The following CTNNAL1 variants were observed in gnomAD, a reference collection of about 807,000 sequenced individuals.
CTNNAL1 encodes catenin alpha like 1.
In CTNNAL1, 69 loss-of-function variants were observed where a neutral mutation model predicts 93.6. That is an observed-to-expected ratio of 0.74 (90% CI 0.61 to 0.90). The LOEUF is 0.90. CTNNAL1 is among the 40% of genes least tolerant of loss of function. CTNNAL1 has a pLI of 0.00. For synonymous variants in CTNNAL1, 286 were observed against 305.4 expected (o/e 0.94, Z 0.66); for missense variants, 836 against 862.0 (o/e 0.97, Z 0.38).
At position 108,952,543 on chromosome 9, in the gene CTNNAL1, CTG is replaced by C. The variant is rs373436178; in HGVS notation, c.1630-51_1630-50del. 4.4e-6 allele frequency: 7 copies of C among 1,605,266 alleles called. No homozygotes were observed. The African/African-American group carries it at 5.4e-5, about 12-fold the overall frequency. ...TTATCTTAAAAAGCAGTACATTAAA[CTG>C]TAAGGAAATACAATAGTAATACAAA... On this transcript the variant is annotated intron_variant, in intron 12 of 18. Coordinates refer to ENST00000325551, the MANE Select transcript of CTNNAL1 (RefSeq NM_003798.4).
Position 108,975,101 on chromosome 9 carries a change from G to A in CTNNAL1, c.1188+1861C>T, listed in dbSNP as rs944592915. On this transcript the variant is annotated intron_variant, in intron 8 of 18. Transcript: ENST00000325551. The stretch of plus-strand genomic sequence containing the variant: ...TCGCTTGAACCCCTGAGGTAGAGGT[G>A]GCAGTGAGCCAAGATCACGCCACTG... Among the ~76,000 whole-genome samples the A allele has an allele frequency of 5.9e-5, 9 of 152,062 alleles. No homozygotes were observed. In the East Asian group the frequency reaches 1.2e-3, roughly 20 times the overall value.
chr9:108,990,613 C>T, intron 4 of CTNNAL1, 113 bp downstream of exon 4: 1 of 1,321,602 alleles, frequency 7.6e-7, no homozygotes, highest in Non-Finnish European at 1.0e-6. Flanking sequence ...AAGACCAAGG[C>T]TATAGACTTA....
intron 7 of CTNNAL1, 119 bp downstream of exon 7, chr9:108,979,162 T>C (rs1413949270): frequency 7.2e-6 from 9 of 1,252,880 alleles, no homozygotes; most frequent in Non-Finnish European, 9.9e-6. Flanking sequence ...GGATGAGATA[T>C]CCTGTCCCAT....
At chr9:109,002,563 C>T (rs994658409) in intron 1 of CTNNAL1, among the ~76,000 whole-genome samples, 6 of 152,186 alleles carry the variant, frequency 3.9e-5, no homozygotes, top group Non-Finnish European at 7.4e-5. Context: ...ACTAAGGAGA[C>T]GTCAAAGCAG....
intron 10 of CTNNAL1, among the ~76,000 whole-genome samples, chr9:108,969,454 A>G (rs1446558999): frequency 6.6e-6 from 1 of 152,184 alleles, no homozygotes; most frequent in African/African-American, 2.4e-5. Flanking sequence ...TCATATAGGT[A>G]TTTTCATATG....
Position 108,942,977 on chromosome 9 carries a change from TA to T in CTNNAL1, c.2122del (p.Tyr708IlefsTer4). 6.2e-7 allele frequency: 1 copy of T among 1,613,070 alleles called. No homozygotes were observed. Among genetic ancestry groups the T allele is most frequent in the Non-Finnish European group, 8.5e-7 (1 of 1,179,770 alleles). On this transcript the variant is annotated frameshift_variant, in exon 18 of 19. Transcript: ENST00000325551. LOFTEE classifies it high-confidence loss of function. ...CTACCTCACCTTCTTCAGCAGTTTATAACAAAGTGAAAGAAGTTGGACTAAG... is the reference window on the plus strand; with the variant it reads ...CTACCTCACCTTCTTCAGCAGTTTATACAAAGTGAAAGAAGTTGGACTAAG... ...ALLVQLLSLC[Y>X]KLLKKLQMEN...
chr9:108,950,371 C>A, intron 14 of CTNNAL1: 1 of 948,994 alleles, frequency 1.1e-6, no homozygotes, highest in Non-Finnish European at 1.5e-6. Flanking sequence ...AGCTTGCTAA[C>A]AACAGTTAAG....
chr9:108,992,876 T>C, intron 2 of CTNNAL1, 57 bp from the exon 3 acceptor site: 1 of 1,522,740 alleles, frequency 6.6e-7, no homozygotes, highest in Non-Finnish European at 8.8e-7. Flanking sequence ...AAATCTAGAC[T>C]TCTCTCTAAC....
intron 3 of CTNNAL1, chr9:108,991,892 G>A: frequency 1.7e-6 from 1 of 602,432 alleles, no homozygotes; most frequent in Non-Finnish European, 3.0e-6. Flanking sequence ...AGATGATCAT[G>A]GAGCATGACC....
chr9:108,992,361 T>C (rs1385078888), intron 3 of CTNNAL1, among the ~76,000 whole-genome samples: 1 of 152,036 alleles, frequency 6.6e-6, no homozygotes, highest in Non-Finnish European at 1.5e-5. Flanking sequence ...ATTGCCAAAT[T>C]ACTTACAATT....
intron 12 of CTNNAL1, among the ~76,000 whole-genome samples, chr9:108,953,827 GAGAA>G (rs1244539676): frequency 6.6e-6 from 1 of 151,840 alleles, no homozygotes; most frequent in Non-Finnish European, 1.5e-5. Flanking sequence ...CACACACAGA[GAGAA>G]AGAGACAAAG....
chr9:108,990,980 C>T, intron 3 of CTNNAL1, 135 bp from the exon 4 acceptor site: 1 of 924,950 alleles, frequency 1.1e-6, no homozygotes, highest in Non-Finnish European at 1.6e-6. Flanking sequence ...AGATAGAAGA[C>T]ACACAAGGGG....
intron 1 of CTNNAL1, among the ~76,000 whole-genome samples, chr9:109,007,263 G>A (rs1772033): frequency 0.14 from 21,494 of 151,822 alleles, 1,824 homozygotes; most frequent in Middle Eastern, 0.19. Context: ...AAAAAAACAC[G>A]CATGTATTCA....
At chr9:108,943,527 A>G (rs923170398) in intron 17 of CTNNAL1, among the ~76,000 whole-genome samples, 176 bp downstream of exon 17, 1 of 152,158 alleles carries the variant, frequency 6.6e-6, no homozygotes, top group Non-Finnish European at 1.5e-5. Context: ...TTATTTGGTG[A>G]ATCTGCTACT....
At chr9:109,012,077 A>G (rs1370369266) in intron 1 of CTNNAL1, among the ~76,000 whole-genome samples, 1 of 152,238 alleles carries the variant, frequency 6.6e-6, no homozygotes. Flanking sequence ...ACACAGGAAA[A>G]GGGAAGGAGA....
chr9:108,972,864 G>GGGGGGGGGGGGGGGGGGGCCCCCCC, intron 8 of CTNNAL1, 31 bp from the exon 9 acceptor site: 2 of 142,572 alleles, frequency 1.4e-5, no homozygotes, highest in Non-Finnish European at 2.0e-5. Flanking sequence ...GGGGGGGTGG[G>GGGGGGGGGGGGGGGGGGGCCCCCCC]AGGGTGGAGA....
intron 9 of CTNNAL1, 34 bp from the exon 10 acceptor site, chr9:108,970,528 C>T: frequency 1.3e-6 from 2 of 1,564,734 alleles, no homozygotes; most frequent in Non-Finnish European, 1.7e-6. Context: ...TTAACTTTCA[C>T]ATCCTCATCC....
chr9:109,012,861 C>T (rs1235141634), intron 1 of CTNNAL1, among the ~76,000 whole-genome samples: 1 of 152,306 alleles, frequency 6.6e-6, no homozygotes, highest in Non-Finnish European at 1.5e-5. Context: ...GGCTCGGGAC[C>T]AGGCTGCGAA....
chr9:108,972,868 G>GCCCCCCCCCCGGGC, intron 8 of CTNNAL1, 35 bp from the exon 9 acceptor site: 1 of 1,092,788 alleles, frequency 9.2e-7, no homozygotes, highest in Non-Finnish European at 1.2e-6. Context: ...GGGTGGGAGG[G>GCCCCCCCCCCGGGC]TGGAGAAGGA....
Sources: gnomAD v4.1 joint callset for allele counts (sites outside exome capture counted in the v4.1 genomes callset) on GRCh38, gnomAD v4.1.1 for gene constraint, MANE v1.5 for transcripts, NCBI Gene and HGNC (gene_info 2026-07-23, HGNC 2026-07-21) for gene names.